MCTP1: variants seen among roughly 807,000 people sequenced by gnomAD.
The protein encoded by MCTP1 is multiple C2 and transmembrane domain-containing protein 1.
Under a neutral mutation model 120.6 loss-of-function variants are expected in MCTP1, and 69 were observed. The observed-to-expected ratio is 0.57, with a 90% confidence interval of 0.47 to 0.70. The LOEUF (loss-of-function observed/expected upper bound fraction) is 0.70. Ranked by LOEUF, MCTP1 falls within the 30% of genes least tolerant of loss-of-function variation. The probability of loss-of-function intolerance (pLI) is 0.00; values close to 1 mark genes in which losing one functional copy is unlikely to be tolerated. For synonymous variants in MCTP1, 529 were observed against 493.1 expected (o/e 1.07, Z -0.96); for missense variants, 1,203 against 1,248.8 (o/e 0.96, Z 0.55).
At chr5:95,180,001 T>G (rs1269460719) in intron 1 of MCTP1, among the ~76,000 whole-genome samples, 1 of 152,174 alleles carries the variant, frequency 6.6e-6, no homozygotes, top group African/African-American at 2.4e-5. Context: ...GCTATTCCTA[T>G]ATCAGAATAA....
intron 1 of MCTP1, among the ~76,000 whole-genome samples, chr5:95,268,167 A>G (rs1007412908): frequency 6.6e-6 from 1 of 152,220 alleles, no homozygotes; most frequent in Non-Finnish European, 1.5e-5. Context: ...AATGTAATGG[A>G]TGTTTCTTCT....
At chr5:94,935,327 G>T (rs917542029) in intron 5 of MCTP1, among the ~76,000 whole-genome samples, 1 of 151,896 alleles carries the variant, frequency 6.6e-6, no homozygotes, top group African/African-American at 2.4e-5. Flanking sequence ...TCTAGAACTG[G>T]CAATCCACAC....
At chr5:95,261,126 A>C (rs534886952) in intron 1 of MCTP1, among the ~76,000 whole-genome samples, 17 of 152,162 alleles carry the variant, frequency 1.1e-4, no homozygotes, top group Non-Finnish European at 2.1e-4. Context: ...TCCCAGCCCT[A>C]TTCATTGATT....
At chr5:94,738,079 T>C (rs1342897700) in intron 19 of MCTP1, among the ~76,000 whole-genome samples, 2 of 152,372 alleles carry the variant, frequency 1.3e-5, no homozygotes, top group African/African-American at 4.8e-5. Context: ...GTGGCACTTG[T>C]GGCAAACTGC....
intron 3 of MCTP1, among the ~76,000 whole-genome samples, chr5:94,945,131 G>T (rs77342490): frequency 0.015 from 2,259 of 152,116 alleles, 40 homozygotes; most frequent in Non-Finnish European, 0.02. Context: ...ATATGTCTTA[G>T]GCACCCACTC....
intron 1 of MCTP1, among the ~76,000 whole-genome samples, chr5:95,076,203 CCT>C (rs149869046): frequency 1.7e-4 from 26 of 151,500 alleles, no homozygotes; most frequent in African/African-American, 6.3e-4. Flanking sequence ...ATGAATGTGG[CCT>C]CTCTCTCTGT....
intron 1 of MCTP1, among the ~76,000 whole-genome samples, chr5:95,019,780 G>A (rs1406910125): frequency 6.6e-6 from 1 of 151,976 alleles, no homozygotes; most frequent in Non-Finnish European, 1.5e-5. Context: ...AACTATGGGT[G>A]AGGAGTCTTG....
chr5:94,950,585 T>A (rs1820243346), intron 3 of MCTP1, among the ~76,000 whole-genome samples: 1 of 152,166 alleles, frequency 6.6e-6, no homozygotes, highest in Non-Finnish European at 1.5e-5. Context: ...TATATACACC[T>A]ATACTGTATA....
chr5:95,214,125 G>A (rs554055552), intron 1 of MCTP1, among the ~76,000 whole-genome samples: 1 of 152,218 alleles, frequency 6.6e-6, no homozygotes. Context: ...TTTGACAAAG[G>A]GCTAATATCC....
intron 5 of MCTP1, among the ~76,000 whole-genome samples, chr5:94,939,081 T>A (rs537364024): frequency 2.0e-5 from 3 of 152,196 alleles, no homozygotes; most frequent in Non-Finnish European, 4.4e-5. Flanking sequence ...TGTAAACGTA[T>A]GTGTTCATCA....
chr5:95,165,481 T>A (rs1746219117), intron 1 of MCTP1, among the ~76,000 whole-genome samples: 1 of 152,224 alleles, frequency 6.6e-6, no homozygotes, highest in African/African-American at 2.4e-5. Context: ...TATATCAATC[T>A]ATGTGAAAGA....
chr5:94,719,337 A>G (rs1441537012), intron 19 of MCTP1, among the ~76,000 whole-genome samples: 2 of 152,212 alleles, frequency 1.3e-5, no homozygotes, highest in African/African-American at 4.8e-5. Context: ...ATAAATTATT[A>G]TATTATAAAG....
intron 20 of MCTP1, among the ~76,000 whole-genome samples, chr5:94,711,425 T>TTAAAC (rs1756947817): frequency 6.6e-6 from 1 of 152,130 alleles, no homozygotes; most frequent in South Asian, 2.1e-4. Flanking sequence ...TTAGAATTCC[T>TTAAAC]TAAACTACTC....
At chr5:95,261,625 C>CA (rs1758478305) in intron 1 of MCTP1, among the ~76,000 whole-genome samples, 1 of 152,202 alleles carries the variant, frequency 6.6e-6, no homozygotes, top group Non-Finnish European at 1.5e-5. Context: ...CTGATTGCTT[C>CA]AAAATGTTCA....
chr5:95,135,998 G>T (rs975032722), intron 1 of MCTP1, among the ~76,000 whole-genome samples: 1 of 152,208 alleles, frequency 6.6e-6, no homozygotes, highest in Non-Finnish European at 1.5e-5. Flanking sequence ...AATTAGAGTA[G>T]ATTTCAATAT....
chr5:95,006,366 T>C (rs1289834699), intron 2 of MCTP1, among the ~76,000 whole-genome samples: 6 of 151,740 alleles, frequency 4.0e-5, no homozygotes, highest in African/African-American at 1.2e-4. Flanking sequence ...TTTGTATATA[T>C]ATATATGTAT....
At chr5:94,744,683 G>T (rs1438319903) in intron 19 of MCTP1, among the ~76,000 whole-genome samples, 1 of 151,988 alleles carries the variant, frequency 6.6e-6, no homozygotes, top group Non-Finnish European at 1.5e-5. Flanking sequence ...TTTGTATTTT[G>T]TATTTTTAGT....
At chr5:94,893,438 T>C (rs1803147910) in intron 11 of MCTP1, among the ~76,000 whole-genome samples, 1 of 152,228 alleles carries the variant, frequency 6.6e-6, no homozygotes, top group African/African-American at 2.4e-5. Flanking sequence ...ATAACTGCAA[T>C]TATATATTAG....
At chr5:95,169,134 T>G (rs1746857871) in intron 1 of MCTP1, among the ~76,000 whole-genome samples, 1 of 152,250 alleles carries the variant, frequency 6.6e-6, no homozygotes, top group Admixed American at 6.5e-5. Flanking sequence ...AAAGGCCTTT[T>G]CTGCATCTTT....
Sources: allele counts gnomAD v4.1 joint callset (sites outside exome capture counted in the v4.1 genomes callset), GRCh38; gene constraint gnomAD v4.1.1; transcripts MANE v1.5; gene names NCBI Gene and HGNC (gene_info 2026-07-23, HGNC 2026-07-21).